Variants in RBFOX1 observed in about 807,000 individuals in gnomAD.
RBFOX1 encodes RNA binding protein fox-1 homolog 1.
RBFOX1 carries 8 observed loss-of-function variants against 57.7 expected under a neutral mutation model. The ratio of observed to expected loss-of-function variants is 0.14; its 90% confidence interval spans 0.08 to 0.25. The LOEUF (loss-of-function observed/expected upper bound fraction) is 0.25. Among genes scored for constraint, RBFOX1 ranks in the 10% least tolerant of loss-of-function variants. The pLI, the probability that RBFOX1 is intolerant of heterozygous loss-of-function variation, is 1.00. For missense variants in RBFOX1, 611 were observed against 548.5 expected (o/e 1.11, Z -1.14); for synonymous variants, 326 against 222.4 (o/e 1.47, Z -4.15).
In RBFOX1 at chr16:6,526,686, C is replaced by T. The variant is rs182107916; in HGVS notation, c.-63-127917C>T. On this transcript the variant is annotated intron_variant, in intron 2 of 15. Transcript: ENST00000550418. Reference sequence around the variant, plus strand: ...TCTACTAAAAATACAAAAAATTAGCCGGGCGTGGTGGTGGGCACCTGTAGT... The same window carrying T: ...TCTACTAAAAATACAAAAAATTAGCTGGGCGTGGTGGTGGGCACCTGTAGT... Among the ~76,000 whole-genome samples the T allele has an allele frequency of 7.0e-4, 106 of 151,382 alleles. 3 individuals are homozygous for T. In the East Asian group the frequency reaches 0.019, roughly 27 times the overall value.
chr16:7,372,791 G>T (rs1393685153), intron 4 of RBFOX1, among the ~76,000 whole-genome samples: 3 of 152,014 alleles, frequency 2.0e-5, no homozygotes, highest in African/African-American at 7.2e-5. Flanking sequence ...GAGGGAGGAA[G>T]AGAAGGAGGA....
chr16:7,415,441 G>A (rs947844426), intron 4 of RBFOX1, among the ~76,000 whole-genome samples: 1 of 152,146 alleles, frequency 6.6e-6, no homozygotes, highest in Non-Finnish European at 1.5e-5. Flanking sequence ...AGAGATTACT[G>A]AATTTCCCAG....
intron 14 of RBFOX1, among the ~76,000 whole-genome samples, chr16:7,699,397 G>T (rs1417801035): frequency 6.6e-6 from 1 of 152,074 alleles, no homozygotes; most frequent in African/African-American, 2.4e-5. Context: ...TTGTTCTATT[G>T]CCCAGGCTGA....
At chr16:6,062,488 C>T (rs2095700386) in intron 1 of RBFOX1, among the ~76,000 whole-genome samples, 1 of 151,712 alleles carries the variant, frequency 6.6e-6, no homozygotes, top group South Asian at 2.1e-4. Context: ...GCTCCAAGAA[C>T]CAGGTTCAGC....
rs532174800 is a variant in RBFOX1, at chr16:7,672,865, C to A, written c.931-3909C>A. ...CTGGGTGACAGAGAAGACTCCATCT[C>A]AAAAAAAAAAAAAAAAAAAAAAAGA... On this transcript the variant is annotated intron_variant, in intron 13 of 15. Transcript: ENST00000550418. Among the ~76,000 whole-genome samples, 32 of 42,886 alleles carry A rather than the reference C, an allele frequency of 7.5e-4. 1 individual carries two copies. Among genetic ancestry groups the A allele is most frequent in the East Asian group, 2.0e-3 (2 of 986 alleles). 28.1% of individuals were successfully genotyped at this position (42,886 alleles called of 152,430 possible).
intron 1 of RBFOX1, among the ~76,000 whole-genome samples, chr16:6,135,513 A>G (rs2096659940): frequency 6.6e-6 from 1 of 152,174 alleles, no homozygotes; most frequent in African/African-American, 2.4e-5. Flanking sequence ...GGGATCACAG[A>G]TTCAACAGGG....
chr16:6,478,133 G>A (rs1360867771), intron 2 of RBFOX1, among the ~76,000 whole-genome samples: 2 of 151,436 alleles, frequency 1.3e-5, no homozygotes, highest in Non-Finnish European at 2.9e-5. Context: ...GTGTTCAAGG[G>A]AGTAGCACTT....
chr16:6,360,502 A>G (rs1265275224), intron 2 of RBFOX1, among the ~76,000 whole-genome samples: 1 of 152,200 alleles, frequency 6.6e-6, no homozygotes, highest in Non-Finnish European at 1.5e-5. Flanking sequence ...GGTTTTTATT[A>G]TAGTTGACAT....
intron 5 of RBFOX1, among the ~76,000 whole-genome samples, chr16:7,531,804 A>G (rs62012735): frequency 0.082 from 12,465 of 152,176 alleles, 840 homozygotes; most frequent in East Asian, 0.36. Flanking sequence ...TGATAATATC[A>G]TTACAGGCAA....
chr16:6,627,027 G>A (rs9940782), intron 2 of RBFOX1, among the ~76,000 whole-genome samples: 34,202 of 152,106 alleles, frequency 0.22, 3,991 homozygotes, highest in Admixed American at 0.29. Context: ...GTTGCCGAAG[G>A]CTACCCATCT....
chr16:7,378,294 C>T (rs1026678938), intron 4 of RBFOX1, among the ~76,000 whole-genome samples: 1 of 152,082 alleles, frequency 6.6e-6, no homozygotes, highest in African/African-American at 2.4e-5. Flanking sequence ...GCAAGGGAAA[C>T]GTAGTGGTGA....
chr16:5,860,420 T>A (rs975124169), intron 3 of RBFOX1, among the ~76,000 whole-genome samples: 3 of 152,118 alleles, frequency 2.0e-5, no homozygotes, highest in African/African-American at 4.8e-5. Flanking sequence ...TTTCTGTTTG[T>A]GCCTGTGAAA....
chr16:5,394,254 A>G (rs1408312834), intron 1 of RBFOX1, among the ~76,000 whole-genome samples: 1 of 151,510 alleles, frequency 6.6e-6, no homozygotes, highest in Non-Finnish European at 1.5e-5. Flanking sequence ...AAACTCCTGA[A>G]CTCGTGATCT....
At chr16:6,700,113 A>T (rs182576502) in intron 3 of RBFOX1, among the ~76,000 whole-genome samples, 1 of 152,164 alleles carries the variant, frequency 6.6e-6, no homozygotes, top group Admixed American at 6.5e-5. Context: ...CCAGGTGGGT[A>T]CCTGGAAATT....
At chr16:5,680,126 A>C (rs760485101) in intron 3 of RBFOX1, among the ~76,000 whole-genome samples, 2 of 152,194 alleles carry the variant, frequency 1.3e-5, no homozygotes, top group African/African-American at 2.4e-5. Context: ...TGAGACTGGC[A>C]GAGGAGAAGG....
At chr16:6,043,673 T>G (rs540508195) in intron 1 of RBFOX1, among the ~76,000 whole-genome samples, 1 of 152,220 alleles carries the variant, frequency 6.6e-6, no homozygotes, top group East Asian at 1.9e-4. Flanking sequence ...TGAAGAGACA[T>G]AGGATTTTAT....
chr16:6,257,895 G>A (rs1229803351), intron 1 of RBFOX1, among the ~76,000 whole-genome samples: 2 of 152,136 alleles, frequency 1.3e-5, no homozygotes, highest in Non-Finnish European at 2.9e-5. Context: ...ACACATGGAT[G>A]TGTCTTTATA....
chr16:7,677,464 G>A (rs2073681374), intron 14 of RBFOX1, among the ~76,000 whole-genome samples: 1 of 152,148 alleles, frequency 6.6e-6, no homozygotes, highest in Non-Finnish European at 1.5e-5. Context: ...GGCAGTGGAA[G>A]GAACACAGTG....
At chr16:7,239,935 T>C (rs1346738979) in intron 4 of RBFOX1, among the ~76,000 whole-genome samples, 1 of 152,174 alleles carries the variant, frequency 6.6e-6, no homozygotes, top group Non-Finnish European at 1.5e-5. Context: ...GTAATCAAAT[T>C]CCAAAACTTC....
Sources: allele counts gnomAD v4.1 joint callset (sites outside exome capture counted in the v4.1 genomes callset), GRCh38; gene constraint gnomAD v4.1.1; transcripts MANE v1.5; gene names NCBI Gene and HGNC (gene_info 2026-07-23, HGNC 2026-07-21).